The following NDUFAF6 variants were observed in gnomAD, a reference collection of about 807,000 sequenced individuals.
NDUFAF6 encodes NADH dehydrogenase (ubiquinone) complex I, assembly factor 6.
In NDUFAF6, 45 loss-of-function variants were observed where a neutral mutation model predicts 40.8. That is an observed-to-expected ratio of 1.10 (90% CI 0.87 to 1.42). The LOEUF is 1.42. Among genes scored for constraint, NDUFAF6 ranks in the 40% most tolerant of loss-of-function variants. NDUFAF6 has a pLI of 0.00. For missense variants in NDUFAF6, 435 were observed against 418.5 expected (o/e 1.04, Z -0.34); for synonymous variants, 185 against 155.9 (o/e 1.19, Z -1.39).
At chr8:94,961,181 C>T (rs1021055169) in intron 1 of NDUFAF6, among the ~76,000 whole-genome samples, 13 of 152,344 alleles carry the variant, frequency 8.5e-5, no homozygotes, top group African/African-American at 2.9e-4. Flanking sequence ...TCCACTGACA[C>T]GTAAAATTCA....
At chr8:94,906,320 C>T (rs191703180) in intron 1 of NDUFAF6, among the ~76,000 whole-genome samples, 55 of 152,272 alleles carry the variant, frequency 3.6e-4, no homozygotes, top group African/African-American at 1.2e-3. Flanking sequence ...TCCCTGTGTC[C>T]CTGCTGTTCC....
At chr8:94,908,139 A>G (rs1199627875) in intron 1 of NDUFAF6, among the ~76,000 whole-genome samples, 2 of 152,344 alleles carry the variant, frequency 1.3e-5, no homozygotes, top group East Asian at 3.9e-4. Context: ...TGTGTCTCCC[A>G]TTAAAAGCTC....
At chr8:95,030,653 G>T (rs1828717565) in intron 1 of NDUFAF6, among the ~76,000 whole-genome samples, 1 of 152,078 alleles carries the variant, frequency 6.6e-6, no homozygotes, top group African/African-American at 2.4e-5. Flanking sequence ...TTTACTTTTT[G>T]CTCAAGAAAA....
chr8:94,937,789 G>C (rs1294302354), intron 1 of NDUFAF6, among the ~76,000 whole-genome samples: 1 of 152,092 alleles, frequency 6.6e-6, no homozygotes, highest in East Asian at 1.9e-4. Flanking sequence ...GGGTTACCTA[G>C]ACCCCATCTT....
chr8:95,039,063 A>G (rs1048202159), intron 3 of NDUFAF6, among the ~76,000 whole-genome samples: 2 of 146,642 alleles, frequency 1.4e-5, no homozygotes, highest in Non-Finnish European at 3.0e-5. Flanking sequence ...TGCAACTTTC[A>G]CCTGCTGGGC....
intron 2 of NDUFAF6, 35 bp from the exon 3 acceptor site, chr8:95,035,419 A>G (rs1456476202): frequency 1.2e-6 from 2 of 1,611,640 alleles, no homozygotes; most frequent in South Asian, 1.1e-5. Context: ...ACAGTAGACA[A>G]TGCATTTGCT....
intron 1 of NDUFAF6, among the ~76,000 whole-genome samples, chr8:94,977,364 A>G (rs1825047778): frequency 6.6e-6 from 1 of 151,684 alleles, no homozygotes; most frequent in African/African-American, 2.4e-5. Flanking sequence ...ATTTTTTTTA[A>G]TTAGCTGGGT....
chr8:94,949,605 GGA>G (rs1012038321), intron 2 of NDUFAF6, among the ~76,000 whole-genome samples: 40 of 152,072 alleles, frequency 2.6e-4, no homozygotes, highest in Admixed American at 9.2e-4. Flanking sequence ...CGGAAGGGTG[GGA>G]GAGAGGGGCT....
chr8:94,949,595 C>T (rs535648671), intron 2 of NDUFAF6, among the ~76,000 whole-genome samples: 3 of 151,042 alleles, frequency 2.0e-5, no homozygotes, highest in Admixed American at 6.6e-5. Flanking sequence ...CCTGGGCGAG[C>T]GGAAGGGTGG....
At chr8:94,964,451 G>A (rs1197218849) in intron 1 of NDUFAF6, among the ~76,000 whole-genome samples, 2 of 150,658 alleles carry the variant, frequency 1.3e-5, no homozygotes, top group Non-Finnish European at 3.0e-5. Flanking sequence ...AAAAAAAGGA[G>A]GAATACCCGA....
At chr8:94,990,768 G>GA (rs1239653132) in intron 2 of NDUFAF6, among the ~76,000 whole-genome samples, 2 of 152,172 alleles carry the variant, frequency 1.3e-5, no homozygotes, top group African/African-American at 4.8e-5. Context: ...TGACAAATGA[G>GA]ACTTCCTCAT....
chr8:94,910,081 C>T (rs758856061), intron 1 of NDUFAF6, among the ~76,000 whole-genome samples: 1 of 151,756 alleles, frequency 6.6e-6, no homozygotes, highest in African/African-American at 2.4e-5. Context: ...GTAAGGTGGG[C>T]GGGAGTTGTG....
At chr8:95,000,794 G>A (rs1376503547) in intron 2 of NDUFAF6, among the ~76,000 whole-genome samples, 1 of 151,956 alleles carries the variant, frequency 6.6e-6, no homozygotes, top group East Asian at 1.9e-4. Flanking sequence ...AAATTGGCCA[G>A]GGGTGGAGAC....
At chr8:95,067,508 T>G (rs752173341) in intron 9 of NDUFAF6, 16 of 151,898 alleles carry the variant, frequency 1.1e-4, no homozygotes, top group Non-Finnish European at 2.4e-4. Context: ...GTGAAACCAG[T>G]TTTAGCTGGC....
chr8:94,953,486 A>T (rs1822808565), upstream of NDUFAF6, among the ~76,000 whole-genome samples: 1 of 152,194 alleles, frequency 6.6e-6, no homozygotes, highest in South Asian at 2.1e-4. Context: ...GAAGAGGCGC[A>T]CTGTGTGGGG....
intron 2 of NDUFAF6, among the ~76,000 whole-genome samples, chr8:95,014,266 A>G (rs1827347924): frequency 6.6e-6 from 1 of 152,252 alleles, no homozygotes; most frequent in South Asian, 2.1e-4. Context: ...AGGAATGTTG[A>G]CATGTGAACA....
At chr8:95,032,176 T>A (rs1445375083) in intron 2 of NDUFAF6, 82 bp downstream of exon 2, 3 of 1,197,640 alleles carry the variant, frequency 2.5e-6, no homozygotes, top group Admixed American at 3.5e-5. Flanking sequence ...GAAATATAGT[T>A]GTAATTTATA....
chr8:95,023,985 G>T (rs1827815589), upstream of NDUFAF6, among the ~76,000 whole-genome samples: 1 of 136,930 alleles, frequency 7.3e-6, no homozygotes, highest in Non-Finnish European at 1.6e-5. Flanking sequence ...GTGAGACTCT[G>T]TCTCAAAAAA....
intron 1 of NDUFAF6, among the ~76,000 whole-genome samples, chr8:94,958,437 G>T (rs1823264642): frequency 6.7e-6 from 1 of 150,068 alleles, no homozygotes; most frequent in South Asian, 2.1e-4. Context: ...TTCTCGTAAG[G>T]ACACTAGTCA....
Sources: gnomAD v4.1 joint callset for allele counts (sites outside exome capture counted in the v4.1 genomes callset) on GRCh38, gnomAD v4.1.1 for gene constraint, MANE v1.5 for transcripts, NCBI Gene and HGNC (gene_info 2026-07-23, HGNC 2026-07-21) for gene names.